NPAT: variants seen among roughly 807,000 people sequenced by gnomAD.
NPAT encodes protein NPAT.
A neutral mutation model predicts 130.7 loss-of-function variants in NPAT; 52 were observed. The observed-to-expected ratio is 0.40, with a 90% CI of 0.32 to 0.50. NPAT has a LOEUF of 0.50. NPAT is among the 20% of genes least tolerant of loss of function. The pLI, the probability that NPAT is intolerant of heterozygous loss-of-function variation, is 0.68. For missense variants in NPAT, 1,687 were observed against 1,662.6 expected (o/e 1.01, Z -0.26); for synonymous variants, 580 against 584.8 (o/e 0.99, Z 0.12).
At chr11:108,169,682 GT>G (rs1190823960) in intron 15 of NPAT, 61 bp downstream of exon 15, 1 of 1,171,614 alleles carries the variant, frequency 8.5e-7, no homozygotes, top group African/African-American at 1.5e-5. Context: ...ACATTTAGGT[GT>G]TGCTGCAAAC....
chr11:108,190,610 A>G (rs745818142), intron 4 of NPAT, 110 bp from the exon 5 acceptor site: 3 of 914,892 alleles, frequency 3.3e-6, no homozygotes, highest in Non-Finnish European at 5.3e-6. Flanking sequence ...AAGGCAAAAA[A>G]TCTCTCTCAG....
chr11:108,175,993 C>T (rs1256585555), intron 12 of NPAT, among the ~76,000 whole-genome samples: 1 of 152,046 alleles, frequency 6.6e-6, no homozygotes, highest in African/African-American at 2.4e-5. Context: ...GCCTGGATGA[C>T]AAGAGGGAGA....
chr11:108,176,818 T>C (rs2078010526), intron 11 of NPAT, among the ~76,000 whole-genome samples, 176 bp downstream of exon 11: 1 of 152,188 alleles, frequency 6.6e-6, no homozygotes, highest in Admixed American at 6.5e-5. Context: ...ACAGCTAAAG[T>C]TTCTCAGCTA....
intron 1 of NPAT, among the ~76,000 whole-genome samples, chr11:108,199,855 G>A (rs1383410431): frequency 6.6e-6 from 1 of 152,172 alleles, no homozygotes; most frequent in African/African-American, 2.4e-5. Context: ...CCGTTCGGGT[G>A]TCAGTCAAGA....
rs1178723854 is a variant in NPAT, at chr11:108,163,139, G to A, written c.3011-959C>T. 2.6e-5 allele frequency among the ~76,000 whole-genome samples: 4 copies of A among 151,972 alleles called. 1 individual carries two copies. In the South Asian group the frequency reaches 8.3e-4, roughly 32 times the overall value. Reference sequence around the variant, plus strand: ...CTATTGCCCAGGCTGGAGTGCAATGGCATGATCTTGGCTCACTGCAACCTC... The same window carrying A: ...CTATTGCCCAGGCTGGAGTGCAATGACATGATCTTGGCTCACTGCAACCTC... On this transcript the variant is annotated intron_variant, in intron 15 of 17. Transcript: ENST00000278612.
At chr11:108,209,672 G>A (rs4754306) in intron 1 of NPAT, among the ~76,000 whole-genome samples, 79,384 of 151,420 alleles carry the variant, frequency 0.52, 21,573 homozygotes, top group Middle Eastern at 0.72. Context: ...GGCAGATCAC[G>A]AGGTCAGGAG....
chr11:108,172,452 G>T lies in NPAT; in HGVS notation c.2532C>A (p.Ser844=), dbSNP rs749639803. ...TCAACTGTATATATCCTCCATCCTTGGAAACACATGGTGTAACATTAGCTG... is the reference window on the plus strand; with the variant it reads ...TCAACTGTATATATCCTCCATCCTTTGAAACACATGGTGTAACATTAGCTG... ...AFSANVTPCV[S]KDGGYIQLMP... is the part of the protein sequence containing the mutation. The change falls in exon 13 of 18, where the codon TCC becomes TCA. Residue 844 remains serine, a synonymous_variant. Transcript: ENST00000278612. 1 of 1,614,070 alleles carries T rather than the reference G, an allele frequency of 6.2e-7. No homozygotes were observed. The highest frequency in any genetic ancestry group is 8.5e-7 in the Non-Finnish European group (1 of 1,179,946).
Position 108,161,360 on chromosome 11 carries a change from A to T in NPAT, c.3726T>A (p.Ile1242=). Reference sequence around the variant, plus strand: ...GTATATCCTGTAACATTTCTGTGGTAATCAAAGAACTGGCGGATTTAGTTT... The same window carrying T: ...GTATATCCTGTAACATTTCTGTGGTTATCAAAGAACTGGCGGATTTAGTTT... The part of the protein sequence containing the change: ...QEQTKSASSL[I]TTEMLQDIQR... Residue 1242 remains isoleucine, a synonymous_variant, in exon 17 of 18, where the codon ATT becomes ATA. Coordinates refer to ENST00000278612, the MANE Select transcript of NPAT (RefSeq NM_002519.3). The T allele has an allele frequency of 6.2e-7, 1 of 1,614,186 alleles. No homozygotes were observed. The highest frequency in any genetic ancestry group is 8.5e-7 in the Non-Finnish European group (1 of 1,180,018).
At chr11:108,202,275 G>C (rs1021564646) in intron 1 of NPAT, among the ~76,000 whole-genome samples, 1 of 152,056 alleles carries the variant, frequency 6.6e-6, no homozygotes, top group Non-Finnish European at 1.5e-5. Flanking sequence ...ATATTACATT[G>C]TAAAGGCCAC....
rs1005743382 is a variant in NPAT, at chr11:108,216,518, G to GA, written c.37+5981dup. On this transcript the variant is annotated intron_variant, in intron 1 of 17. Coordinates refer to ENST00000278612, the MANE Select transcript of NPAT (RefSeq NM_002519.3). ...GTGTGGGGAGGAGAGGAGGGTCAGG[G>GA]AAAAAAAAAAAGCCTAAGAAGATTC... Among the ~76,000 whole-genome samples the GA allele has an allele frequency of 2.2e-3, 305 of 140,446 alleles. 1 individual carries two copies. Among genetic ancestry groups the GA allele is most frequent in the Non-Finnish European group, 3.5e-3 (222 of 64,216 alleles). The allele number at this position is 140,446 out of a possible 152,430, so 92.1% of individuals were successfully genotyped here.
At position 108,173,272 on chromosome 11, in the gene NPAT, T is replaced by C; in HGVS notation, c.1712A>G (p.Asp571Gly). 1 of 1,611,450 alleles carries C rather than the reference T, an allele frequency of 6.2e-7. No homozygotes were observed. Among genetic ancestry groups the C allele is most frequent in the Non-Finnish European group, 8.5e-7 (1 of 1,178,004 alleles). Reference protein sequence around the residue: ...KINFHGSKSSDSSEVHKSKIE... With the variant: ...KINFHGSKSSGSSEVHKSKIE... ...TTTACTCTTGTGAACTTCACTAGAA[T>C]CTGATGACTTGGAACCATGAAAATT... The change falls in exon 13 of 18, where the codon GAT (aspartate) becomes GGT (glycine). Residue 571 changes from aspartate to glycine, a missense_variant. Transcript: ENST00000278612.
chr11:108,192,533 A>G (rs970441204), intron 3 of NPAT, among the ~76,000 whole-genome samples: 1 of 152,142 alleles, frequency 6.6e-6, no homozygotes, highest in African/African-American at 2.4e-5. Context: ...AAAGTGAATT[A>G]AAGTAATCTG....
In NPAT at chr11:108,214,338, A is replaced by G. The variant is rs113059389; in HGVS notation, c.37+8162T>C. Among the ~76,000 whole-genome samples the G allele has an allele frequency of 7.7e-3, 1,178 of 152,356 alleles. 8 individuals carry two copies. Among genetic ancestry groups the G allele is most frequent in the African/African-American group, 0.024 (1,007 of 41,574 alleles). On this transcript the variant is annotated intron_variant, in intron 1 of 17. Coordinates refer to ENST00000278612, the MANE Select transcript of NPAT (RefSeq NM_002519.3). ...AAGGCTGAAAACATTATGCTATGTG[A>G]AAGTCAGACACAAAAAGCGAAATAT...
intron 11 of NPAT, 87 bp from the exon 12 acceptor site, chr11:108,176,461 T>C: frequency 2.0e-6 from 2 of 1,003,934 alleles, no homozygotes; most frequent in Non-Finnish European, 1.5e-6. Flanking sequence ...ATTACGCAAA[T>C]GTTAAACTTC....
rs757625069 is a variant in NPAT at position 108,197,311 on chromosome 11, G to A, written c.147C>T (p.Ala49=). The change falls in exon 2 of 18, where the codon GCC becomes GCT. Residue 49 remains alanine (A), a synonymous_variant. Coordinates refer to ENST00000278612, the MANE Select transcript of NPAT (RefSeq NM_002519.3). ...EHCTDEGFIP[A]CLLSLFGKNL... ...GGAACAAATAACTCACCAGTAAGCA[G>A]GCTGGAATAAACCCTTCATCTGTAC... is the stretch of plus-strand genomic sequence containing the variant. 1 of 1,588,826 alleles carries A rather than the reference G, an allele frequency of 6.3e-7. No homozygotes were observed. Among genetic ancestry groups the A allele is most frequent in the Non-Finnish European group, 8.6e-7 (1 of 1,157,142 alleles).
At chr11:108,184,006 C>T (rs1331241684) in intron 10 of NPAT, among the ~76,000 whole-genome samples, 1 of 151,622 alleles carries the variant, frequency 6.6e-6, no homozygotes, top group Non-Finnish European at 1.5e-5. Context: ...GATAGTTGCA[C>T]ATGAACAAAT....
intron 1 of NPAT, among the ~76,000 whole-genome samples, chr11:108,201,906 A>G (rs1263489577): frequency 6.6e-6 from 1 of 152,204 alleles, no homozygotes; most frequent in Non-Finnish European, 1.5e-5. Flanking sequence ...AGGACCTTGA[A>G]GAAACCTCCT....
intron 1 of NPAT, among the ~76,000 whole-genome samples, chr11:108,219,460 T>TA (rs1201689199): frequency 1.3e-5 from 2 of 152,210 alleles, no homozygotes; most frequent in African/African-American, 2.4e-5. Flanking sequence ...CTTTCCATGT[T>TA]AAATACTCAG....
chr11:108,181,714 G>T (rs1265628116), intron 10 of NPAT, among the ~76,000 whole-genome samples: 1 of 151,704 alleles, frequency 6.6e-6, no homozygotes, highest in Non-Finnish European at 1.5e-5. Context: ...TCCAAGGAAA[G>T]GAGGCCTGCA....
Sources: gnomAD v4.1 joint callset for allele counts (sites outside exome capture counted in the v4.1 genomes callset) on GRCh38, gnomAD v4.1.1 for gene constraint, MANE v1.5 for transcripts, NCBI Gene and HGNC (gene_info 2026-07-23, HGNC 2026-07-21) for gene names.